The following RGS8 variants were observed in gnomAD, a reference collection of about 807,000 sequenced individuals.
RGS8 encodes regulator of G protein signaling 8.
RGS8 carries 8 observed loss-of-function variants against 21.7 expected under a neutral mutation model. The ratio of observed to expected loss-of-function variants is 0.37; its 90% CI spans 0.22 to 0.66. The LOEUF is 0.66. Ranked by LOEUF, RGS8 falls within the 30% of genes least tolerant of loss-of-function variation. The pLI is 0.59. For synonymous variants in RGS8, 80 were observed against 83.6 expected (o/e 0.96, Z 0.24); for missense variants, 157 against 217.9 (o/e 0.72, Z 1.76).
chr1:182,738,416 T>C, the RGS8 span, among the ~76,000 whole-genome samples: 2 of 152,258 alleles, frequency 1.3e-5, no homozygotes, highest in Non-Finnish European at 2.9e-5. Flanking sequence ...GTAGCCTATA[T>C]AATTTTCATG....
At chr1:182,712,096 G>C in the RGS8 span, among the ~76,000 whole-genome samples, 1 of 152,286 alleles carries the variant, frequency 6.6e-6, no homozygotes, top group East Asian at 1.9e-4. Context: ...AACAAGTGAA[G>C]AAATCTAAGT....
intron 2 of RGS8, among the ~76,000 whole-genome samples, chr1:182,671,090 T>C (rs1253312264): frequency 6.6e-6 from 1 of 152,206 alleles, no homozygotes; most frequent in East Asian, 1.9e-4. Context: ...CCCACCCTTC[T>C]GTCCCCGCCT....
At chr1:182,649,042 G>A (rs1410555336) in intron 5 of RGS8, among the ~76,000 whole-genome samples, 1 of 152,138 alleles carries the variant, frequency 6.6e-6, no homozygotes, top group Non-Finnish European at 1.5e-5. Flanking sequence ...AGAGGTTGCA[G>A]TGAGCCGAGA....
At position 182,671,737 on chromosome 1, in the gene RGS8, A is replaced by G. The variant is rs1664172432; in HGVS notation, c.-177-7T>C. 1.9e-6 allele frequency: 3 copies of G among 1,613,902 alleles called. No homozygotes were observed. The highest frequency in any genetic ancestry group is 1.7e-6 in the Non-Finnish European group (2 of 1,179,964). ...GGCTTCGGGTTAAGGTGTTCTGGGG[A>G]AAAAGTAGATCTTTCTTTTAGCAGT... On this transcript the variant is annotated splice_region_variant and splice_polypyrimidine_tract_variant and intron_variant, in intron 1 of 6. Transcript: ENST00000483095.
At chr1:182,738,155 T>C in the RGS8 span, among the ~76,000 whole-genome samples, 1 of 152,242 alleles carries the variant, frequency 6.6e-6, no homozygotes, top group Admixed American at 6.5e-5. Context: ...TTATGTTGTA[T>C]TCACATCTAA....
At chr1:182,644,979 A>G (rs1662637884), downstream of RGS8, 2 of 152,130 alleles carry the variant, frequency 1.3e-5, no homozygotes, top group South Asian at 4.1e-4. Flanking sequence ...AGTCACACCC[A>G]CCCTCACTCA....
At chr1:182,734,066 G>A in the RGS8 span, among the ~76,000 whole-genome samples, 5 of 151,240 alleles carry the variant, frequency 3.3e-5, no homozygotes, top group African/African-American at 9.7e-5. Context: ...GATTACAGGC[G>A]CCTGCCACCA....
the RGS8 span, among the ~76,000 whole-genome samples, chr1:182,736,863 G>A: frequency 1.3e-5 from 2 of 152,212 alleles, no homozygotes; most frequent in South Asian, 2.1e-4. Flanking sequence ...GCTGTGACAT[G>A]TCCATATAGA....
chr1:182,714,458 C>A, the RGS8 span: 1 of 152,178 alleles, frequency 6.6e-6, no homozygotes, highest in Non-Finnish European at 1.5e-5. Flanking sequence ...TTCAAGCTCC[C>A]ACTAACACCT....
At chr1:182,698,908 A>C in the RGS8 span, among the ~76,000 whole-genome samples, 44,179 of 152,104 alleles carry the variant, frequency 0.29, 6,940 homozygotes, top group East Asian at 0.4. Flanking sequence ...CTGTGTGCAC[A>C]CATGTCTCCG....
rs371567881 is a variant in RGS8 at position 182,664,899 on chromosome 1, C to T, written c.193+1070G>A. ...TCAGCAGCATAGCTGGAGGGAACTG[C>T]TCATCAAATTGAAAGCAAAATCACT... is the stretch of plus-strand genomic sequence containing the variant. On this transcript the variant is annotated intron_variant, in intron 5 of 6. Transcript: ENST00000483095. 8.5e-5 allele frequency among the ~76,000 whole-genome samples: 13 copies of T among 152,322 alleles called. No individual in the cohort carries two copies. The East Asian group carries it at 1.9e-3, about 23-fold the overall frequency.
At chr1:182,739,969 A>ACCCAACC in the RGS8 span, among the ~76,000 whole-genome samples, 1 of 151,942 alleles carries the variant, frequency 6.6e-6, no homozygotes, top group Non-Finnish European at 1.5e-5. Context: ...AGCTCCCAAC[A>ACCCAACC]CCCAACCCCC....
At chr1:182,710,467 T>C in the RGS8 span, among the ~76,000 whole-genome samples, 1 of 152,120 alleles carries the variant, frequency 6.6e-6, no homozygotes, top group Admixed American at 6.5e-5. Context: ...CCCCAGGCTG[T>C]GTGTATAAAT....
chr1:182,659,816 A>C (rs550574548), intron 5 of RGS8, among the ~76,000 whole-genome samples: 88 of 83,902 alleles, frequency 1.0e-3, no homozygotes, highest in African/African-American at 2.8e-3. Context: ...GCAGGGACTC[A>C]CAAAAAAAAA....
intron 1 of RGS8, among the ~76,000 whole-genome samples, chr1:182,678,636 TA>T (rs1664444497): frequency 6.6e-6 from 1 of 152,318 alleles, no homozygotes; most frequent in East Asian, 1.9e-4. Flanking sequence ...GCTGCCCATC[TA>T]TACAGGCAGA....
At chr1:182,649,774 T>C in intron 5 of RGS8, among the ~76,000 whole-genome samples, 1 of 152,204 alleles carries the variant, frequency 6.6e-6, no homozygotes, top group East Asian at 1.9e-4. Context: ...TATAGTTTTC[T>C]ATAAACTGTC....
chr1:182,728,594 G>A, the RGS8 span, among the ~76,000 whole-genome samples: 3 of 152,154 alleles, frequency 2.0e-5, 1 homozygote, highest in Admixed American at 6.5e-5. Context: ...ATGGGATTAA[G>A]AGGCAAGGTC....
In RGS8 at chr1:182,663,159, C is replaced by T. The variant is rs56237077; in HGVS notation, c.193+2810G>A. Reference sequence around the variant, plus strand: ...CTCCACAAACCTCTGATCAACACTGCCCCTCCTAAGAGACGAGCACACGTG... The same window carrying T: ...CTCCACAAACCTCTGATCAACACTGTCCCTCCTAAGAGACGAGCACACGTG... On this transcript the variant is annotated intron_variant, in intron 5 of 6. Coordinates refer to ENST00000483095, the Ensembl canonical transcript of RGS8. Among the ~76,000 whole-genome samples, 583 of 152,288 alleles carry T rather than the reference C, an allele frequency of 3.8e-3. 1 individual carries two copies. Among genetic ancestry groups the T allele is most frequent in the African/African-American group, 0.013 (559 of 41,556 alleles).
intron 1 of RGS8, among the ~76,000 whole-genome samples, chr1:182,681,509 A>G (rs377215934): frequency 2.0e-5 from 3 of 152,304 alleles, no homozygotes; most frequent in East Asian, 3.9e-4. Context: ...CTAGCCAGAC[A>G]CCTAGAATCA....
Sources: allele counts gnomAD v4.1 joint callset (sites outside exome capture counted in the v4.1 genomes callset), GRCh38; gene constraint gnomAD v4.1.1; transcripts MANE v1.5; gene names NCBI Gene and HGNC (gene_info 2026-07-23, HGNC 2026-07-21).